Variants in PARN observed in about 807,000 individuals in gnomAD.
The protein encoded by PARN is poly(A)-specific ribonuclease PARN.
In PARN, 71 loss-of-function variants were observed where a neutral mutation model predicts 102.8. The ratio of observed to expected loss-of-function variants is 0.69; its 90% CI spans 0.57 to 0.84. The LOEUF is 0.84. Among genes scored for constraint, PARN ranks in the 40% least tolerant of loss-of-function variants. The pLI, the probability that PARN is intolerant of heterozygous loss-of-function variation, is 0.00. For synonymous variants in PARN, 261 were observed against 252.9 expected, an observed-to-expected ratio of 1.03 and a Z score of -0.30; for missense variants, 782 against 760.9, an observed-to-expected ratio of 1.03 and a Z score of -0.33.
intron 5 of PARN, among the ~76,000 whole-genome samples, chr16:14,620,266 A>G (rs1218548260): frequency 6.6e-6 from 1 of 151,474 alleles, no homozygotes. Context: ...AGTCCCAGCT[A>G]CTCGGGAGGC....
intron 5 of PARN, among the ~76,000 whole-genome samples, chr16:14,621,740 G>C (rs1293579823): frequency 6.6e-6 from 1 of 151,784 alleles, no homozygotes; most frequent in East Asian, 1.9e-4. Flanking sequence ...GAACACGGGA[G>C]GCAGAGCTTG....
At chr16:14,497,943 A>G (rs1259416447) in intron 21 of PARN, among the ~76,000 whole-genome samples, 2 of 151,992 alleles carry the variant, frequency 1.3e-5, no homozygotes, top group African/African-American at 4.8e-5. Flanking sequence ...GGCCAACATG[A>G]TGAAACCCTG....
At chr16:14,448,398 T>C (rs1178833300) in intron 22 of PARN, among the ~76,000 whole-genome samples, 1 of 152,000 alleles carries the variant, frequency 6.6e-6, no homozygotes. Flanking sequence ...CCGCCCAACT[T>C]GGCCTCCCAA....
chr16:14,472,661 A>G (rs1219246996), intron 22 of PARN, among the ~76,000 whole-genome samples: 1 of 152,160 alleles, frequency 6.6e-6, no homozygotes, highest in African/African-American at 2.4e-5. Flanking sequence ...GATTCTAGTA[A>G]TAAGAGCAAT....
intron 18 of PARN, among the ~76,000 whole-genome samples, chr16:14,575,761 T>C (rs1216859890): frequency 6.6e-6 from 1 of 152,154 alleles, no homozygotes; most frequent in Non-Finnish European, 1.5e-5. Context: ...GGACATGAGA[T>C]GTGGGAGGGG....
At chr16:14,619,943 G>A (rs1453400589) in intron 5 of PARN, among the ~76,000 whole-genome samples, 2 of 149,540 alleles carry the variant, frequency 1.3e-5, no homozygotes, top group South Asian at 2.1e-4. Flanking sequence ...GGTGGTGCAC[G>A]CCTGTAATCC....
chr16:14,557,581 A>C (rs1967775043), intron 18 of PARN, among the ~76,000 whole-genome samples: 1 of 151,270 alleles, frequency 6.6e-6, no homozygotes, highest in South Asian at 2.1e-4. Flanking sequence ...AAAAAAAGCC[A>C]AGCAGGGCAA....
chr16:14,623,574 C>T (rs777535223), intron 5 of PARN, among the ~76,000 whole-genome samples: 2 of 151,150 alleles, frequency 1.3e-5, no homozygotes, highest in Admixed American at 6.6e-5. Flanking sequence ...CGATGGCTCA[C>T]GTCTATAATC....
intron 21 of PARN, among the ~76,000 whole-genome samples, chr16:14,504,395 T>C (rs1039695684): frequency 6.6e-5 from 10 of 151,798 alleles, no homozygotes; most frequent in Admixed American, 4.6e-4. Context: ...CTGTCTCTAA[T>C]AAAAATACAA....
At chr16:14,475,598 A>G (rs557956099) in intron 22 of PARN, among the ~76,000 whole-genome samples, 1 of 152,362 alleles carries the variant, frequency 6.6e-6, no homozygotes, top group African/African-American at 2.4e-5. Context: ...GTAAACAGCA[A>G]AAGAAATGGA....
chr16:14,472,129 A>C (rs746887290), intron 22 of PARN, among the ~76,000 whole-genome samples: 8 of 152,226 alleles, frequency 5.3e-5, no homozygotes, highest in Non-Finnish European at 1.0e-4. Context: ...AACCAGACAG[A>C]TATGCCAGAG....
At chr16:14,540,516 T>A (rs898627858) in intron 21 of PARN, among the ~76,000 whole-genome samples, 1 of 152,188 alleles carries the variant, frequency 6.6e-6, no homozygotes, top group African/African-American at 2.4e-5. Context: ...GAAATGAACT[T>A]GAGTCACTTT....
At chr16:14,506,526 C>T (rs1469253728) in intron 21 of PARN, among the ~76,000 whole-genome samples, 1 of 152,192 alleles carries the variant, frequency 6.6e-6, no homozygotes, top group Non-Finnish European at 1.5e-5. Flanking sequence ...TCTAAGCAAA[C>T]TGTTATGTCT....
chr16:14,493,081 T>TA lies in PARN; in HGVS notation c.1481-10255dup, dbSNP rs372988368. Among the ~76,000 whole-genome samples the TA allele has an allele frequency of 9.4e-3, 1,415 of 150,728 alleles. 22 individuals are homozygous for TA. Among genetic ancestry groups the TA allele is most frequent in the African/African-American group, 0.03 (1,219 of 41,160 alleles). On this transcript the variant is annotated intron_variant, in intron 21 of 23. Coordinates refer to ENST00000437198, the MANE Select transcript of PARN (RefSeq NM_002582.4). ...TGCTCTGCATATTCTCAAACAACAA[T>TA]AAAAAAAAAGAAACCATTATTTAAA... is the stretch of plus-strand genomic sequence containing the variant.
At chr16:14,606,410 A>AAG in intron 10 of PARN, 74 bp downstream of exon 10, 1 of 707,714 alleles carries the variant, frequency 1.4e-6, no homozygotes. Flanking sequence ...AAAAAAAAAG[A>AAG]AAAAAAAAAG....
chr16:14,475,865 AAC>A lies in PARN; in HGVS notation c.1670+6771_1670+6772del, dbSNP rs146534635. The stretch of plus-strand genomic sequence containing the variant: ...CCCTTATTTTATTTAAGAGACTAAT[AAC>A]AGTTTAAAGAAAAAGAAAGAAAATG... On this transcript the variant is annotated intron_variant, in intron 22 of 23. Transcript: ENST00000437198. Among the ~76,000 whole-genome samples the A allele has an allele frequency of 7.7e-4, 117 of 152,370 alleles. 1 individual carries two copies. Among genetic ancestry groups the A allele is most frequent in the Non-Finnish European group, 1.4e-3 (97 of 68,038 alleles).
At chr16:14,569,038 C>T (rs1968619441) in intron 18 of PARN, among the ~76,000 whole-genome samples, 1 of 151,594 alleles carries the variant, frequency 6.6e-6, no homozygotes, top group Non-Finnish European at 1.5e-5. Context: ...ATGGTTAAAC[C>T]CCGTCTCTAC....
At chr16:14,456,852 T>C (rs1265784055) in intron 22 of PARN, among the ~76,000 whole-genome samples, 1 of 152,232 alleles carries the variant, frequency 6.6e-6, no homozygotes, top group Admixed American at 6.5e-5. Flanking sequence ...AACAGCCACT[T>C]ACCTTGTCAC....
At chr16:14,508,779 G>T (rs1271112063) in intron 21 of PARN, among the ~76,000 whole-genome samples, 1 of 151,426 alleles carries the variant, frequency 6.6e-6, no homozygotes, top group Admixed American at 6.6e-5. Flanking sequence ...TTCTCAGGGG[G>T]CGGGGCATGG....
Sources: gnomAD v4.1 joint callset for allele counts (sites outside exome capture counted in the v4.1 genomes callset) on GRCh38, gnomAD v4.1.1 for gene constraint, MANE v1.5 for transcripts, NCBI Gene and HGNC (gene_info 2026-07-23, HGNC 2026-07-21) for gene names.